Variants in AGBL4 observed in about 807,000 individuals in gnomAD.
AGBL4 encodes the protein cytosolic carboxypeptidase 6.
In AGBL4, 58 loss-of-function variants were observed where a neutral mutation model predicts 66.4. The observed-to-expected ratio is 0.87, with a 90% CI of 0.71 to 1.09. The LOEUF (loss-of-function observed/expected upper bound fraction) is 1.09, where lower values mean the gene tolerates loss of function less well. Among genes scored for constraint, AGBL4 ranks in the 50% least tolerant of loss-of-function variants. The probability of loss-of-function intolerance (pLI) is 0.00; values close to 1 mark genes in which losing one functional copy is unlikely to be tolerated. For synonymous variants in AGBL4, 234 were observed against 222.9 expected (o/e 1.05, Z -0.44); for missense variants, 579 against 631.0 (o/e 0.92, Z 0.88).
chr1:48,658,807 T>G (rs532949312), intron 7 of AGBL4, among the ~76,000 whole-genome samples: 16 of 151,946 alleles, frequency 1.1e-4, no homozygotes, highest in African/African-American at 3.4e-4. Context: ...TCCCGGTGCC[T>G]GGCAATATTG....
chr1:49,207,450 CTTTCTT>C (rs1648248079), intron 4 of AGBL4, among the ~76,000 whole-genome samples: 1 of 14,638 alleles, frequency 6.8e-5, no homozygotes, highest in Admixed American at 1.1e-3. Context: ...CTTTTTCTTT[CTTTCTT>C]TTTCTTTCTT....
intron 2 of AGBL4, among the ~76,000 whole-genome samples, chr1:49,720,540 T>C (rs1344941234): frequency 2.0e-5 from 3 of 152,190 alleles, no homozygotes; most frequent in Admixed American, 2.0e-4. Context: ...TACAGAATAG[T>C]GATTAAAAGC....
intron 3 of AGBL4, among the ~76,000 whole-genome samples, chr1:49,372,795 A>G (rs781518051): frequency 2.1e-5 from 3 of 142,108 alleles, no homozygotes; most frequent in African/African-American, 5.3e-5. Flanking sequence ...GTTTCCCTCT[A>G]TTTCCTAGGC....
chr1:49,702,080 G>T (rs905576538), intron 2 of AGBL4, among the ~76,000 whole-genome samples: 1 of 151,956 alleles, frequency 6.6e-6, no homozygotes, highest in Non-Finnish European at 1.5e-5. Flanking sequence ...ATGGATATCT[G>T]AATAGATCTA....
intron 7 of AGBL4, among the ~76,000 whole-genome samples, chr1:48,659,080 A>C (rs1049607533): frequency 4.6e-5 from 7 of 152,156 alleles, no homozygotes; most frequent in Non-Finnish European, 8.8e-5. Flanking sequence ...GAATCCCTGG[A>C]CTATTCTGAA....
At chr1:49,950,837 G>A (rs1421102627) in intron 1 of AGBL4, among the ~76,000 whole-genome samples, 1 of 151,792 alleles carries the variant, frequency 6.6e-6, no homozygotes, top group Non-Finnish European at 1.5e-5. Flanking sequence ...CAACCCAAGT[G>A]TCAATTGATA....
At chr1:49,961,358 A>G (rs1011746374) in intron 1 of AGBL4, among the ~76,000 whole-genome samples, 3 of 152,006 alleles carry the variant, frequency 2.0e-5, no homozygotes, top group Admixed American at 2.0e-4. Flanking sequence ...AAAATAAATT[A>G]TCTGAGTTTA....
At chr1:49,168,995 A>C (rs1048948442) in intron 4 of AGBL4, among the ~76,000 whole-genome samples, 2 of 152,194 alleles carry the variant, frequency 1.3e-5, no homozygotes, top group Non-Finnish European at 2.9e-5. Context: ...TGAGAAACAA[A>C]GCTGTGGTCA....
At chr1:49,119,866 T>C (rs891321407) in intron 4 of AGBL4, among the ~76,000 whole-genome samples, 1 of 152,204 alleles carries the variant, frequency 6.6e-6, no homozygotes, top group African/African-American at 2.4e-5. Flanking sequence ...GGTGCTCCTG[T>C]ATTGGGTGCA....
chr1:49,710,938 A>T (rs1000869282), intron 2 of AGBL4, among the ~76,000 whole-genome samples: 1 of 152,028 alleles, frequency 6.6e-6, no homozygotes, highest in African/African-American at 2.4e-5. Context: ...TCAGAAAAAG[A>T]AAACAAGATT....
At chr1:49,537,678 A>T (rs1204473304) in intron 3 of AGBL4, among the ~76,000 whole-genome samples, 1 of 152,222 alleles carries the variant, frequency 6.6e-6, no homozygotes, top group African/African-American at 2.4e-5. Context: ...TAATCCCAGC[A>T]CTTTGGGAGG....
At chr1:48,713,005 C>T (rs1301000580) in intron 6 of AGBL4, among the ~76,000 whole-genome samples, 2 of 152,196 alleles carry the variant, frequency 1.3e-5, no homozygotes, top group Non-Finnish European at 2.9e-5. Context: ...CATCCTGTTA[C>T]TTTGGAGAGA....
At chr1:48,700,612 C>T (rs72902849) in intron 6 of AGBL4, among the ~76,000 whole-genome samples, 2 of 152,178 alleles carry the variant, frequency 1.3e-5, no homozygotes, top group Non-Finnish European at 2.9e-5. Flanking sequence ...CTGCATGTCC[C>T]TCTGCTGTGT....
chr1:49,193,780 G>A (rs1304973584), intron 4 of AGBL4, among the ~76,000 whole-genome samples: 13 of 151,976 alleles, frequency 8.6e-5, no homozygotes, highest in African/African-American at 9.7e-5. Context: ...TGATCTGCCC[G>A]CCTTGGCCTC....
rs12079882 is a variant in AGBL4, at chr1:49,566,284, C to A, written c.282+131029G>T. ...CTCAGAGTAGTTTGATCTTCTGAAG[C>A]CTTCTTCTCTCAATTCATCAAAGTT... is the stretch of plus-strand genomic sequence containing the variant. On this transcript the variant is annotated intron_variant, in intron 3 of 13. Coordinates refer to ENST00000371839, the MANE Select transcript of AGBL4 (RefSeq NM_032785.4). 4.4e-3 allele frequency among the ~76,000 whole-genome samples: 663 copies of A among 152,244 alleles called. 7 individuals are homozygous for A. Among genetic ancestry groups the A allele is most frequent in the African/African-American group, 0.015 (620 of 41,562 alleles).
At chr1:49,696,630 C>A (rs1646990533) in intron 3 of AGBL4, among the ~76,000 whole-genome samples, 1 of 151,544 alleles carries the variant, frequency 6.6e-6, no homozygotes, top group African/African-American at 2.4e-5. Context: ...ACTTGGGTAC[C>A]CTCCCCAACA....
chr1:48,943,542 T>C (rs1385229154), intron 5 of AGBL4, among the ~76,000 whole-genome samples: 1 of 152,240 alleles, frequency 6.6e-6, no homozygotes, highest in Admixed American at 6.5e-5. Context: ...CTCTAAGATA[T>C]ACTTAGTAAC....
At chr1:48,828,195 A>AG (rs1289924577) in intron 6 of AGBL4, among the ~76,000 whole-genome samples, 3 of 151,686 alleles carry the variant, frequency 2.0e-5, no homozygotes, top group Admixed American at 6.6e-5. Flanking sequence ...CAAAAAAAAA[A>AG]AAAAAGAAAA....
chr1:49,326,936 G>A (rs1645239452), intron 3 of AGBL4, among the ~76,000 whole-genome samples: 1 of 152,116 alleles, frequency 6.6e-6, no homozygotes, highest in Admixed American at 6.5e-5. Context: ...GGCTCTAGGG[G>A]AGAATCTGTT....
Sources: gnomAD v4.1 joint callset for allele counts (sites outside exome capture counted in the v4.1 genomes callset) on GRCh38, gnomAD v4.1.1 for gene constraint, MANE v1.5 for transcripts, NCBI Gene and HGNC (gene_info 2026-07-23, HGNC 2026-07-21) for gene names.